The following FAM178B variants were observed in gnomAD, a reference collection of about 807,000 sequenced individuals.
FAM178B encodes the protein family with sequence similarity 178 member B.
FAM178B carries 82 observed loss-of-function variants against 91.7 expected under a neutral mutation model. That is an observed-to-expected ratio of 0.89 (90% confidence interval 0.75 to 1.07). The LOEUF is 1.07. Among genes scored for constraint, FAM178B ranks in the 50% least tolerant of loss-of-function variants. The pLI, the probability that FAM178B is intolerant of heterozygous loss-of-function variation, is 0.00. For synonymous variants in FAM178B, 368 were observed against 359.4 expected (o/e 1.02, Z -0.27); for missense variants, 769 against 846.7 (o/e 0.91, Z 1.14).
intron 12 of FAM178B, among the ~76,000 whole-genome samples, chr2:96,905,832 A>ACGTATATATACG (rs561491615): frequency 0.035 from 899 of 25,710 alleles, 75 homozygotes; most frequent in Non-Finnish European, 0.049. Flanking sequence ...ATATATATAT[A>ACGTATATATACG]TATATATATA....
At position 96,878,285 on chromosome 2, in the gene FAM178B, T is replaced by C. The variant is rs1019456859; in HGVS notation, c.1854+131A>G. On this transcript the variant is annotated intron_variant, in intron 15 of 16. Transcript: ENST00000490605. ...GAGGCCCTGGCTCTCCCACGCTGGCTTCCCTCTCAGCCTCCCACTCTCTGC... is the reference window on the plus strand; with the variant it reads ...GAGGCCCTGGCTCTCCCACGCTGGCCTCCCTCTCAGCCTCCCACTCTCTGC... The C allele has an allele frequency of 7.2e-5, 67 of 935,724 alleles. No homozygotes were observed. The East Asian group carries it at 1.7e-3, about 24-fold the overall frequency. The allele number at this position is 935,724 out of a possible 1,614,324, so 58.0% of individuals were successfully genotyped here. A position where few individuals can be genotyped will look rare whatever the true frequency, so the allele number is the denominator to read the frequency against.
chr2:96,899,598 CT>C (rs2080887694), intron 13 of FAM178B, among the ~76,000 whole-genome samples: 1 of 152,028 alleles, frequency 6.6e-6, no homozygotes, highest in Non-Finnish European at 1.5e-5. Context: ...GGGTCTTGCT[CT>C]GTCGCCCAGG....
intron 6 of FAM178B, among the ~76,000 whole-genome samples, chr2:96,954,558 A>AG (rs373701260): frequency 0.082 from 12,545 of 152,310 alleles, 1,233 homozygotes; most frequent in African/African-American, 0.23. Flanking sequence ...GCAGTCCCAG[A>AG]GGGCAAGGTC....
At chr2:96,897,487 A>C (rs1266892337) in intron 13 of FAM178B, among the ~76,000 whole-genome samples, 2 of 152,192 alleles carry the variant, frequency 1.3e-5, no homozygotes, top group African/African-American at 4.8e-5. Context: ...GCCCCAGGAT[A>C]AGAAGCAAAC....
chr2:96,930,729 C>T lies in FAM178B; in HGVS notation c.1079-1409G>A, dbSNP rs544458785. 1.9e-4 allele frequency among the ~76,000 whole-genome samples: 29 copies of T among 152,340 alleles called. No individual in the cohort carries two copies. The South Asian group carries it at 6.0e-3, about 32-fold the overall frequency. Reference sequence around the variant, plus strand: ...GAGTGTTTATGTATAGCCTCCAAAGCTCATATGTTGAAATTTAATCCCAAG... The same window carrying T: ...GAGTGTTTATGTATAGCCTCCAAAGTTCATATGTTGAAATTTAATCCCAAG... On this transcript the variant is annotated intron_variant, in intron 8 of 16. Coordinates refer to ENST00000490605, the MANE Select transcript of FAM178B (RefSeq NM_001122646.3).
At chr2:96,951,760 C>A (rs1229502723) in intron 6 of FAM178B, 1 of 342,696 alleles carries the variant, frequency 2.9e-6, no homozygotes. Context: ...CAGTGGCTCA[C>A]GCCTGTAATC....
At chr2:96,959,042 T>C (rs1297727594) in intron 6 of FAM178B, among the ~76,000 whole-genome samples, 3 of 151,462 alleles carry the variant, frequency 2.0e-5, no homozygotes. Context: ...CTACTAAAAA[T>C]ACAAAAATTA....
intron 5 of FAM178B, among the ~76,000 whole-genome samples, chr2:96,964,585 G>A (rs1354005083): frequency 6.6e-6 from 1 of 151,982 alleles, no homozygotes; most frequent in African/African-American, 2.4e-5. Context: ...CCCTAGCATC[G>A]ATTCCCCGCT....
At chr2:96,910,487 T>C (rs1169496883) in intron 12 of FAM178B, among the ~76,000 whole-genome samples, 1 of 152,244 alleles carries the variant, frequency 6.6e-6, no homozygotes, top group Non-Finnish European at 1.5e-5. Flanking sequence ...TGTAGTGTTG[T>C]TCCGTCTGCA....
At chr2:96,912,753 G>T (rs148660716) in intron 12 of FAM178B, among the ~76,000 whole-genome samples, 1 of 152,298 alleles carries the variant, frequency 6.6e-6, no homozygotes, top group African/African-American at 2.4e-5. Context: ...CCCAGGCTCC[G>T]GATGCGACCT....
intron 14 of FAM178B, among the ~76,000 whole-genome samples, chr2:96,887,649 T>C (rs1281884451): frequency 6.6e-6 from 1 of 152,208 alleles, no homozygotes; most frequent in Non-Finnish European, 1.5e-5. Context: ...AAGCCATGCA[T>C]TGGGCCAGCT....
At chr2:96,898,916 C>G (rs147359741) in intron 13 of FAM178B, among the ~76,000 whole-genome samples, 1 of 152,186 alleles carries the variant, frequency 6.6e-6, no homozygotes, top group Non-Finnish European at 1.5e-5. Flanking sequence ...TGAGGAGGCC[C>G]GATGAGAACA....
chr2:96,898,320 G>C (rs1207312002), intron 13 of FAM178B, among the ~76,000 whole-genome samples: 1 of 152,142 alleles, frequency 6.6e-6, no homozygotes, highest in Non-Finnish European at 1.5e-5. Flanking sequence ...GAGCTGGACA[G>C]GCTAAGGCGG....
chr2:96,900,758 G>A (rs1380441522), intron 13 of FAM178B, among the ~76,000 whole-genome samples: 4 of 152,008 alleles, frequency 2.6e-5, no homozygotes, highest in African/African-American at 2.4e-5. Flanking sequence ...AAGCCAGGCC[G>A]AAGCCGCTCA....
intron 8 of FAM178B, 37 bp downstream of exon 8, chr2:96,947,781 C>T: frequency 8.1e-7 from 1 of 1,228,334 alleles, no homozygotes; most frequent in Non-Finnish European, 1.2e-6. Context: ...CTTGGGAGCT[C>T]AGTGCGCCAA....
intron 12 of FAM178B, among the ~76,000 whole-genome samples, chr2:96,912,975 G>C (rs1044098623): frequency 2.0e-5 from 3 of 152,240 alleles, no homozygotes; most frequent in Non-Finnish European, 2.9e-5. Flanking sequence ...GAAGCTTGGA[G>C]CTGCGGCAGG....
chr2:96,885,779 T>C (rs2080503959), intron 14 of FAM178B, among the ~76,000 whole-genome samples: 1 of 151,816 alleles, frequency 6.6e-6, no homozygotes, highest in African/African-American at 2.4e-5. Context: ...CCAGAGACCT[T>C]GACACCAGGG....
intron 3 of FAM178B, among the ~76,000 whole-genome samples, chr2:96,971,104 C>T (rs998915078): frequency 6.6e-6 from 1 of 152,002 alleles, no homozygotes; most frequent in African/African-American, 2.4e-5. Flanking sequence ...GCTTATCCTG[C>T]ACCAGGCTCT....
chr2:96,943,193 C>G (rs566432122), intron 8 of FAM178B, among the ~76,000 whole-genome samples: 7 of 152,264 alleles, frequency 4.6e-5, no homozygotes, highest in African/African-American at 1.7e-4. Flanking sequence ...CAAGAGATTA[C>G]AAAGAAAACC....
Sources: gnomAD v4.1 joint callset for allele counts (sites outside exome capture counted in the v4.1 genomes callset) on GRCh38, gnomAD v4.1.1 for gene constraint, MANE v1.5 for transcripts, NCBI Gene and HGNC (gene_info 2026-07-23, HGNC 2026-07-21) for gene names.